Variants in BCLAF3 observed in about 807,000 individuals in gnomAD.
BCLAF3 encodes BCLAF1 and THRAP3 family member 3, also known as transient octamer binding factor 1.
A neutral mutation model predicts 51.2 loss-of-function variants in BCLAF3; 24 were observed. The observed-to-expected ratio is 0.47, with a 90% CI of 0.34 to 0.66. The LOEUF (loss-of-function observed/expected upper bound fraction) is 0.66, where lower values mean the gene tolerates loss of function less well. Ranked by LOEUF, BCLAF3 falls within the 30% of genes least tolerant of loss-of-function variation. The pLI is 0.01. For synonymous variants in BCLAF3, 152 were observed against 176.6 expected (o/e 0.86, Z 1.10); for missense variants, 465 against 525.1 (o/e 0.89, Z 1.12).
At chrX:19,968,927 C>T (rs1427249179) in intron 2 of BCLAF3, among the ~76,000 whole-genome samples, 1 of 111,233 alleles carries the variant, frequency 9.0e-6, no homozygotes, top group African/African-American at 3.3e-5. Flanking sequence ...TCCTGGCTAA[C>T]AGAGTGAAAC....
intron 11 of BCLAF3, chrX:19,923,301 G>A (rs1040730545): frequency 4.9e-5 from 6 of 121,663 alleles, no homozygotes; most frequent in Middle Eastern, 6.6e-4. Context: ...TAATGAATGA[G>A]TGATGGAAAT....
chrX:19,944,715 C>T (rs1384699529), intron 8 of BCLAF3, among the ~76,000 whole-genome samples: 1 of 82,720 alleles, frequency 1.2e-5, no homozygotes, highest in Non-Finnish European at 2.1e-5. Context: ...ACATTTTTTC[C>T]TTCATTTCAA....
At chrX:19,928,411 C>T (rs112422837) in intron 11 of BCLAF3, among the ~76,000 whole-genome samples, 36,511 of 107,098 alleles carry the variant, frequency 0.34, 7,572 homozygotes, top group African/African-American at 0.76. Flanking sequence ...GGACAAACCC[C>T]GTCTCTACTA....
intron 1 of BCLAF3, among the ~76,000 whole-genome samples, chrX:19,989,353 G>A (rs1224465840): frequency 2.7e-5 from 3 of 110,779 alleles, no homozygotes; most frequent in Non-Finnish European, 3.8e-5. Context: ...AAAATTAGCC[G>A]GGCATGGTGG....
chrX:19,987,601 G>A (rs1257920766), intron 1 of BCLAF3, among the ~76,000 whole-genome samples: 4 of 112,419 alleles, frequency 3.6e-5, no homozygotes, highest in Non-Finnish European at 7.5e-5. Context: ...CACTGTGCCC[G>A]GCACCCCCAA....
At chrX:19,937,573 T>C (rs2070818663) in intron 8 of BCLAF3, 41 bp from the exon 9 acceptor site, 1 of 703,765 alleles carries the variant, frequency 1.4e-6, no homozygotes, top group Non-Finnish European at 2.1e-6. Context: ...TTTATTAGTA[T>C]ACCTTTTTTT....
At position 19,917,245 on chromosome X, in the gene BCLAF3, AAG is replaced by A. The variant is rs1247103697; in HGVS notation, c.*58_*59del. ...AGTGTCACTTCTAACTCCTGACAAA[AAG>A]AGAGAGATGCTCCCAAACATCCTCC... On this transcript the variant is annotated 3_prime_UTR_variant, in exon 12 of 12. Coordinates refer to ENST00000379682, the MANE Select transcript of BCLAF3 (RefSeq NM_001367774.2). The A allele has an allele frequency of 1.6e-4, 168 of 1,062,478 alleles. No individual in the cohort carries two copies. The highest frequency in any genetic ancestry group is 8.4e-5 in the Non-Finnish European group (64 of 763,445). 87.6% of individuals were successfully genotyped at this position (1,062,478 alleles called of 1,213,427 possible). A position where few individuals can be genotyped will look rare whatever the true frequency, so the allele number is the denominator to read the frequency against.
intron 4 of BCLAF3, among the ~76,000 whole-genome samples, chrX:19,958,461 A>C (rs1178203857): frequency 1.8e-5 from 2 of 112,348 alleles, no homozygotes; most frequent in Non-Finnish European, 3.8e-5. Context: ...AGCATCCTAC[A>C]GTTCATATAA....
intron 1 of BCLAF3, among the ~76,000 whole-genome samples, chrX:19,980,679 T>C (rs988609075): frequency 8.9e-6 from 1 of 111,781 alleles, no homozygotes; most frequent in African/African-American, 3.3e-5. Flanking sequence ...GGCTCACACC[T>C]GTAATCCCAG....
intron 4 of BCLAF3, among the ~76,000 whole-genome samples, chrX:19,962,212 C>T (rs749062690): frequency 2.4e-4 from 27 of 111,536 alleles, no homozygotes; most frequent in African/African-American, 8.8e-4. Context: ...GACAGGGTCT[C>T]GCTTTGTCAC....
At chrX:19,930,335 C>CAAACA (rs1043213478) in intron 10 of BCLAF3, 1 of 115,856 alleles carries the variant, frequency 8.6e-6, no homozygotes, top group African/African-American at 3.3e-5. Context: ...GACCCTGTCT[C>CAAACA]AAACAAAACA....
At position 19,913,714 on chromosome X, in the gene BCLAF3, G is replaced by A. The variant is rs991354066; in HGVS notation, c.*3591C>T. 1 of 111,421 alleles carries A rather than the reference G, an allele frequency of 9.0e-6. No homozygotes were observed. Among genetic ancestry groups the A allele is most frequent in the African/African-American group, 3.3e-5 (1 of 30,588 alleles). 9.2% of individuals were successfully genotyped at this position (111,421 alleles called of 1,213,427 possible). A position where few individuals can be genotyped will look rare whatever the true frequency, so the allele number is the denominator to read the frequency against. ...TAAGGTCAAGGAAAAAAAAGATTGT[G>A]GAAAAACTTAAGGTTGGTCACTAGC... On this transcript the variant is annotated 3_prime_UTR_variant, in exon 12 of 12. Coordinates refer to ENST00000379682, the MANE Select transcript of BCLAF3 (RefSeq NM_001367774.2).
chrX:19,974,368 A>G lies in BCLAF3; in HGVS notation c.-34-4070T>C, dbSNP rs145305918. Among the ~76,000 whole-genome samples, 69 of 111,823 alleles carry G rather than the reference A, an allele frequency of 6.2e-4. 2 individuals are homozygous for G. The East Asian group carries it at 0.017, about 28-fold the overall frequency. ...AATCGCCTGGAGGGCTGGTTAAAAT[A>G]CAGATTGCTGGGCCCTACCCCTGGG... On this transcript the variant is annotated intron_variant, in intron 1 of 11. Transcript: ENST00000379682.
At chrX:19,968,416 C>T (rs2072131784) in intron 2 of BCLAF3, among the ~76,000 whole-genome samples, 1 of 112,747 alleles carries the variant, frequency 8.9e-6, no homozygotes. Context: ...AATGTCTCCT[C>T]CAAGGCAAAG....
At chrX:19,970,424 GATA>G (rs1326495666) in intron 1 of BCLAF3, 126 bp from the exon 2 acceptor site, 1 of 501,411 alleles carries the variant, frequency 2.0e-6, no homozygotes, top group South Asian at 3.1e-5. Context: ...ACATGGAAAT[GATA>G]ATAATAGCAC....
At chrX:19,919,843 TGAGACTTCGTCTCAAAAA>T (rs1302880377) in intron 11 of BCLAF3, among the ~76,000 whole-genome samples, 1 of 82,318 alleles carries the variant, frequency 1.2e-5, no homozygotes, top group African/African-American at 5.1e-5. Flanking sequence ...GATGACAGAG[TGAGACTTCGTCTCAAAAA>T]AAAAAAAAAA....
intron 3 of BCLAF3, 88 bp from the exon 4 acceptor site, chrX:19,965,794 A>G: frequency 1.1e-6 from 1 of 909,740 alleles, no homozygotes; most frequent in Non-Finnish European, 1.5e-6. Context: ...CATGGCTTTA[A>G]ATGCAGAATG....
chrX:19,917,170 C>T lies in BCLAF3; in HGVS notation c.*135G>A, dbSNP rs1308746775. 3.5e-6 allele frequency: 2 copies of T among 575,364 alleles called. No homozygotes were observed. Among genetic ancestry groups the T allele is most frequent in the South Asian group, 2.9e-5 (1 of 34,737 alleles). The allele number at this position is 575,364 out of a possible 1,213,427, so 47.4% of individuals were successfully genotyped here. A position where few individuals can be genotyped will look rare whatever the true frequency, so the allele number is the denominator to read the frequency against. ...GGTGTAAAAAAGTTGCAGCATTCCA[C>T]TACTAAAAAATAAAGTTATTTTATC... On this transcript the variant is annotated 3_prime_UTR_variant, in exon 12 of 12. Coordinates refer to ENST00000379682, the MANE Select transcript of BCLAF3 (RefSeq NM_001367774.2).
intron 1 of BCLAF3, among the ~76,000 whole-genome samples, chrX:19,977,076 A>C (rs1478004534): frequency 8.9e-6 from 1 of 111,733 alleles, no homozygotes; most frequent in Non-Finnish European, 1.9e-5. Flanking sequence ...CATAATCAAT[A>C]AATGTAGTAT....
Sources: gnomAD v4.1 joint callset for allele counts (sites outside exome capture counted in the v4.1 genomes callset) on GRCh38, gnomAD v4.1.1 for gene constraint, MANE v1.5 for transcripts, NCBI Gene and HGNC (gene_info 2026-07-23, HGNC 2026-07-21) for gene names.